NCKAP5: variants seen among roughly 807,000 people sequenced by gnomAD.
NCKAP5 encodes nck-associated protein 5.
NCKAP5 carries 92 observed loss-of-function variants against 167.0 expected under a neutral mutation model. That is an observed-to-expected ratio of 0.55 (90% CI 0.47 to 0.66). NCKAP5 has a LOEUF of 0.66. Ranked by LOEUF, NCKAP5 falls within the 30% of genes least tolerant of loss-of-function variation. The pLI is 0.00. For missense variants in NCKAP5, 2,378 were observed against 2,315.0 expected (o/e 1.03, Z -0.56); for synonymous variants, 891 against 877.4 (o/e 1.02, Z -0.27).
chr2:133,651,894 G>A, the NCKAP5 span, among the ~76,000 whole-genome samples: 2 of 152,206 alleles, frequency 1.3e-5, no homozygotes, highest in Non-Finnish European at 2.9e-5. Context: ...AATGGTTGGG[G>A]TTTCTGTGAA....
chr2:132,789,946 C>T, intron 13 of NCKAP5, 77 bp downstream of exon 13: 2 of 1,426,206 alleles, frequency 1.4e-6, no homozygotes, highest in Admixed American at 2.3e-5. Context: ...CCCCTCCCAC[C>T]TGCCCTTCAT....
At chr2:132,978,544 A>T (rs2077041978) in intron 7 of NCKAP5, among the ~76,000 whole-genome samples, 1 of 152,022 alleles carries the variant, frequency 6.6e-6, no homozygotes, top group African/African-American at 2.4e-5. Context: ...AGTGACTTCA[A>T]ATTACCTGTC....
intron 4 of NCKAP5, among the ~76,000 whole-genome samples, chr2:133,220,635 A>T (rs1247906982): frequency 6.6e-6 from 1 of 152,154 alleles, no homozygotes; most frequent in African/African-American, 2.4e-5. Context: ...AGCCAACAGG[A>T]TGTTGGCATT....
intron 6 of NCKAP5, among the ~76,000 whole-genome samples, chr2:133,063,790 G>A (rs1264668028): frequency 6.6e-6 from 1 of 152,102 alleles, no homozygotes; most frequent in African/African-American, 2.4e-5. Flanking sequence ...GACTCTTCCT[G>A]GCCAAGATGT....
At chr2:133,384,048 C>T (rs940498010) in intron 3 of NCKAP5, among the ~76,000 whole-genome samples, 30 of 152,262 alleles carry the variant, frequency 2.0e-4, no homozygotes, top group African/African-American at 7.2e-4. Context: ...TGTGCAGAAG[C>T]TCTTTAGTTT....
the NCKAP5 span, among the ~76,000 whole-genome samples, chr2:133,578,835 T>C: frequency 2.0e-4 from 31 of 152,200 alleles, no homozygotes; most frequent in African/African-American, 7.5e-4. Context: ...GAAGTTTGGT[T>C]TCTCCAGAGT....
chr2:133,180,586 G>A (rs990277260), intron 5 of NCKAP5, among the ~76,000 whole-genome samples: 20 of 151,962 alleles, frequency 1.3e-4, no homozygotes, highest in South Asian at 2.1e-4. Context: ...CCATCCATCC[G>A]CCTTGGCCTC....
chr2:133,668,647 A>G, the NCKAP5 span, among the ~76,000 whole-genome samples: 1 of 151,906 alleles, frequency 6.6e-6, no homozygotes, highest in Admixed American at 6.6e-5. Flanking sequence ...TTGTCTTTTT[A>G]TAGTTGAGTT....
intron 9 of NCKAP5, among the ~76,000 whole-genome samples, chr2:132,874,772 G>T (rs924750205): frequency 6.6e-6 from 1 of 152,136 alleles, no homozygotes. Flanking sequence ...CCAATTTCCT[G>T]TCCCTGCATA....
intron 6 of NCKAP5, among the ~76,000 whole-genome samples, chr2:133,017,831 T>C (rs2078392996): frequency 6.6e-6 from 1 of 151,842 alleles, no homozygotes; most frequent in South Asian, 2.1e-4. Context: ...ACATACTTTA[T>C]AATCAAGATC....
intron 5 of NCKAP5, among the ~76,000 whole-genome samples, chr2:133,177,970 AGT>A (rs2084543568): frequency 6.6e-6 from 1 of 152,192 alleles, no homozygotes; most frequent in South Asian, 2.1e-4. Flanking sequence ...ACGTAGGCCA[AGT>A]GGATGACAAT....
chr2:133,356,160 C>G (rs1684702006), intron 3 of NCKAP5, among the ~76,000 whole-genome samples: 1 of 152,088 alleles, frequency 6.6e-6, no homozygotes. Flanking sequence ...CTCCTGGACT[C>G]AAGCAATCCA....
At chr2:133,465,779 A>G (rs1333746446) in intron 3 of NCKAP5, among the ~76,000 whole-genome samples, 3 of 151,348 alleles carry the variant, frequency 2.0e-5, no homozygotes, top group Non-Finnish European at 4.4e-5. Flanking sequence ...GCATTTTTTC[A>G]TGTGTCTTTT....
intron 3 of NCKAP5, among the ~76,000 whole-genome samples, chr2:133,327,353 C>T (rs1332106037): frequency 1.3e-5 from 2 of 152,054 alleles, no homozygotes; most frequent in East Asian, 1.9e-4. Flanking sequence ...GTTTTTTTAC[C>T]TTCTCTCTAT....
intron 3 of NCKAP5, among the ~76,000 whole-genome samples, chr2:133,367,991 GCCC>G (rs941585488): frequency 6.6e-6 from 1 of 152,032 alleles, no homozygotes; most frequent in Non-Finnish European, 1.5e-5. Flanking sequence ...CCAGCCAGAT[GCCC>G]CCCAGAACTG....
chr2:133,647,372 A>AAAGGAAGGAAGG, the NCKAP5 span, among the ~76,000 whole-genome samples: 325 of 78,222 alleles, frequency 4.2e-3, 17 homozygotes, highest in East Asian at 0.082. Flanking sequence ...AGGAAGGAAG[A>AAAGGAAGGAAGG]AAGAAAGGAA....
Position 133,321,345 on chromosome 2 carries a change from T to A in NCKAP5, c.70-18235A>T, listed in dbSNP as rs1274149995. 3.3e-5 allele frequency among the ~76,000 whole-genome samples: 5 copies of A among 152,186 alleles called. No individual in the cohort carries two copies. In the East Asian group the frequency reaches 9.6e-4, roughly 29 times the overall value. ...TGCTTTATACCTACTCCACACCGGATCATTGTGGAGGTCCCAGGTTTTACC... is the reference window on the plus strand; with the variant it reads ...TGCTTTATACCTACTCCACACCGGAACATTGTGGAGGTCCCAGGTTTTACC... On this transcript the variant is annotated intron_variant, in intron 3 of 19. Coordinates refer to ENST00000409261, the MANE Select transcript of NCKAP5 (RefSeq NM_207363.3).
intron 6 of NCKAP5, among the ~76,000 whole-genome samples, chr2:133,023,224 G>A (rs2078586241): frequency 6.6e-6 from 1 of 152,196 alleles, no homozygotes; most frequent in African/African-American, 2.4e-5. Context: ...ACTAGTACAA[G>A]CACCAAGTGT....
intron 5 of NCKAP5, among the ~76,000 whole-genome samples, chr2:133,133,940 G>A (rs149252126): frequency 2.8e-4 from 42 of 152,216 alleles, no homozygotes; most frequent in African/African-American, 9.9e-4. Context: ...CCCTACTACT[G>A]TCAGCTCTGC....
Sources: gnomAD v4.1 joint callset for allele counts (sites outside exome capture counted in the v4.1 genomes callset) on GRCh38, gnomAD v4.1.1 for gene constraint, MANE v1.5 for transcripts, NCBI Gene and HGNC (gene_info 2026-07-23, HGNC 2026-07-21) for gene names.